The following KIF13A variants were observed in gnomAD, a reference collection of about 807,000 sequenced individuals.
KIF13A encodes kinesin family member 13A.
Under a neutral mutation model 212.2 loss-of-function variants are expected in KIF13A, and 79 were observed. That is an observed-to-expected ratio of 0.37 (90% CI 0.31 to 0.45). KIF13A has a LOEUF of 0.45. KIF13A is among the 20% of genes least tolerant of loss of function. The pLI is 1.00. For missense variants in KIF13A, 1,901 were observed against 2,209.0 expected (o/e 0.86, Z 2.79); for synonymous variants, 789 against 808.6 (o/e 0.98, Z 0.41).
At chr6:17,815,700 G>T (rs535384927) in intron 17 of KIF13A, 5 of 360,144 alleles carry the variant, frequency 1.4e-5, no homozygotes, top group Admixed American at 1.1e-4. Context: ...AATGATTAAT[G>T]ATATTCATAT....
rs1402087494 is a variant in KIF13A, at chr6:17,899,489, G to T, written c.147-1309C>A. Reference sequence around the variant, plus strand: ...CGACACTCCTTACAGAGCTCTGAGGGACTCGAACAAAACTGAGAGCTCAGT... The same window carrying T: ...CGACACTCCTTACAGAGCTCTGAGGTACTCGAACAAAACTGAGAGCTCAGT... On this transcript the variant is annotated intron_variant, in intron 2 of 38. Transcript: ENST00000259711. The surrounding 1 kb of genome is among the most constrained non-coding windows in gnomAD (Gnocchi z 5.2). Among the ~76,000 whole-genome samples, 2 of 152,114 alleles carry T rather than the reference G, an allele frequency of 1.3e-5. No individual in the cohort carries two copies. The highest frequency in any genetic ancestry group is 4.8e-5 in the African/African-American group (2 of 41,410).
At chr6:17,857,716 C>A (rs139426589) in intron 4 of KIF13A, among the ~76,000 whole-genome samples, 1 of 152,082 alleles carries the variant, frequency 6.6e-6, no homozygotes, top group African/African-American at 2.4e-5. Flanking sequence ...GGAGAATAAA[C>A]GCATACAGAC....
At chr6:17,965,161 C>A (rs1779190555) in intron 2 of KIF13A, among the ~76,000 whole-genome samples, 1 of 152,096 alleles carries the variant, frequency 6.6e-6, no homozygotes, top group Admixed American at 6.6e-5. Context: ...ACACATGTGT[C>A]CCAAATGAAA....
rs1761855585 is a variant in KIF13A at position 17,794,398 on chromosome 6, G to A, written c.3076-3C>T. On this transcript the variant is annotated splice_polypyrimidine_tract_variant and splice_region_variant and intron_variant, in intron 24 of 38. Transcript: ENST00000259711. The surrounding 1 kb of genome is among the most constrained non-coding windows in gnomAD (Gnocchi z 4.1). ...ACTTGTACTCTACGGGAATGACCCTGAAGAGGGTGGGGAGGAGTATGGGTG... is the reference window on the plus strand; with the variant it reads ...ACTTGTACTCTACGGGAATGACCCTAAAGAGGGTGGGGAGGAGTATGGGTG... 6.2e-7 allele frequency: 1 copy of A among 1,610,612 alleles called. No homozygotes were observed. Among genetic ancestry groups the A allele is most frequent in the South Asian group, 1.1e-5 (1 of 90,970 alleles).
chr6:17,908,096 T>G (rs1384754753), intron 2 of KIF13A, among the ~76,000 whole-genome samples: 1 of 151,940 alleles, frequency 6.6e-6, no homozygotes, highest in East Asian at 1.9e-4. Flanking sequence ...AAAGACAACT[T>G]GAAGGAAAAA....
rs1482345909 is a variant in KIF13A, at chr6:17,781,196, A to C, written c.3650T>G (p.Ile1217Arg). ...HGSQFFYLPIIKHSDDEVSAT... is the reference protein window; with the variant it reads ...HGSQFFYLPIRKHSDDEVSAT... ...AATTACCTCATCATCACTGTGCTTT[A>C]TGATGGGCAGGTAGAAAAACTGGCT... The change falls in exon 30 of 39, where the codon ATA (isoleucine) becomes AGA (arginine). Residue 1217 changes from isoleucine to arginine, a missense_variant. This residue lies in a region of KIF13A where 687 missense variants were observed against 759.1 expected (regional missense o/e 0.90). Coordinates refer to ENST00000259711, the MANE Select transcript of KIF13A (RefSeq NM_022113.6). 1.2e-6 allele frequency: 2 copies of C among 1,613,954 alleles called. No homozygotes were observed. Among genetic ancestry groups the C allele is most frequent in the Admixed American group, 1.7e-5 (1 of 60,014 alleles).
rs190029260 is a variant in KIF13A at position 17,838,419 on chromosome 6, A to G, written c.831-836T>C. On this transcript the variant is annotated intron_variant, in intron 9 of 38. Coordinates refer to ENST00000259711, the MANE Select transcript of KIF13A (RefSeq NM_022113.6). This position sits in a 1 kb window ranked among gnomAD's most constrained non-coding sequence, Gnocchi z 4.2. ...GCTTTCTTTGTAATGTTAACAATAG[A>G]TTTCCATCAAATAAGCTGAAAGGAA... 1.1e-4 allele frequency among the ~76,000 whole-genome samples: 17 copies of G among 152,324 alleles called. No homozygotes were observed. In the East Asian group the frequency reaches 3.1e-3, roughly 28 times the overall value.
rs1362187343 is a variant in KIF13A at position 17,934,819 on chromosome 6, C to A, written c.147-36639G>T. ...AAAAAAAAGACACTTAAAAATAATA[C>A]TCTTGTGCTGTTTGTCATAAATATG... On this transcript the variant is annotated intron_variant, in intron 2 of 38. Coordinates refer to ENST00000259711, the MANE Select transcript of KIF13A (RefSeq NM_022113.6). The surrounding 1 kb of genome is among the most constrained non-coding windows in gnomAD (Gnocchi z 5.4). Among the ~76,000 whole-genome samples, 6 of 151,358 alleles carry A rather than the reference C, an allele frequency of 4.0e-5. No homozygotes were observed. The highest frequency in any genetic ancestry group is 5.9e-5 in the Non-Finnish European group (4 of 67,904).
At position 17,918,040 on chromosome 6, in the gene KIF13A, T is replaced by C. The variant is rs562756580; in HGVS notation, c.147-19860A>G. On this transcript the variant is annotated intron_variant, in intron 2 of 38. Coordinates refer to ENST00000259711, the MANE Select transcript of KIF13A (RefSeq NM_022113.6). This position sits in a 1 kb window ranked among gnomAD's most constrained non-coding sequence, Gnocchi z 4.8. The stretch of plus-strand genomic sequence containing the variant: ...GAATTCTGTTTCCTCGTGGCACCTG[T>C]TGCACTTTCTCGGAGTCATGGTTTG... Among the ~76,000 whole-genome samples, 1 of 152,160 alleles carries C rather than the reference T, an allele frequency of 6.6e-6. No homozygotes were observed. Among genetic ancestry groups the C allele is most frequent in the African/African-American group, 2.4e-5 (1 of 41,542 alleles).
intron 3 of KIF13A, among the ~76,000 whole-genome samples, chr6:17,880,257 G>C (rs532052059): frequency 1.1e-3 from 165 of 152,138 alleles, no homozygotes; most frequent in Non-Finnish European, 2.0e-3. Context: ...TGGCTGGCCA[G>C]AAACCGATGA....
chr6:17,801,345 TA>T (rs1259122163), intron 20 of KIF13A, among the ~76,000 whole-genome samples: 1 of 148,624 alleles, frequency 6.7e-6, no homozygotes, highest in South Asian at 2.1e-4. Flanking sequence ...TACAAATAAT[TA>T]AAAAAAAAAT....
At chr6:17,823,656 C>T (rs1309943815) in intron 16 of KIF13A, among the ~76,000 whole-genome samples, 2 of 151,170 alleles carry the variant, frequency 1.3e-5, no homozygotes, top group Non-Finnish European at 3.0e-5. Context: ...TTAGTAGAGA[C>T]AGGGTTTCAC....
chr6:17,964,272 T>C (rs78687476), intron 2 of KIF13A, among the ~76,000 whole-genome samples: 1,716 of 152,286 alleles, frequency 0.011, 36 homozygotes, highest in African/African-American at 0.039. Context: ...GCCCTAATTC[T>C]TATAAAACAA....
intron 6 of KIF13A, among the ~76,000 whole-genome samples, chr6:17,853,321 AG>A (rs1767840872): frequency 6.6e-6 from 1 of 152,226 alleles, no homozygotes; most frequent in Admixed American, 6.6e-5. Context: ...TTCAGCAGCA[AG>A]AAAAAGCAAA....
chr6:17,888,683 G>A lies in KIF13A; in HGVS notation c.159+9485C>T, dbSNP rs770597131. ...TACCAAAAAATACAAAAATTAGCTG[G>A]GCGTGGTGGCACAGGCCTGTAGTCC... On this transcript the variant is annotated intron_variant, in intron 3 of 38. Coordinates refer to ENST00000259711, the MANE Select transcript of KIF13A (RefSeq NM_022113.6). This position sits in a 1 kb window ranked among gnomAD's most constrained non-coding sequence, Gnocchi z 4.8. Among the ~76,000 whole-genome samples, 44 of 152,036 alleles carry A rather than the reference G, an allele frequency of 2.9e-4. No homozygotes were observed. Among genetic ancestry groups the A allele is most frequent in the Non-Finnish European group, 5.1e-4 (35 of 68,006 alleles).
At chr6:17,781,027 CTCACCTT>C in intron 30 of KIF13A, 121 bp from the exon 31 acceptor site, 1 of 1,363,654 alleles carries the variant, frequency 7.3e-7, no homozygotes, top group East Asian at 2.3e-5. Flanking sequence ...GATTTCTTTC[CTCACCTT>C]TTTTAAACAG....
At chr6:17,795,442 A>AG (rs1761946839) in intron 23 of KIF13A, among the ~76,000 whole-genome samples, 1 of 151,944 alleles carries the variant, frequency 6.6e-6, no homozygotes, top group African/African-American at 2.4e-5. Flanking sequence ...AAAAAAAAAA[A>AG]AAATTATCCG....
Position 17,764,123 on chromosome 6 carries a change from A to G in KIF13A, c.5405T>C (p.Leu1802Pro), listed in dbSNP as rs370967470. Reference protein sequence around the residue: ...VIIPEAAFWVLCCQ With the variant: ...VIIPEAAFWVPCCQ The stretch of plus-strand genomic sequence containing the variant: ...AGTTAGACATACTCATTGACAGCAC[A>G]GAACCCAAAAGGCTGCCTCTGGAAT... The change falls in exon 39 of 39, where the codon CTG (leucine) becomes CCG (proline). Residue 1802 changes from leucine to proline, a missense_variant. By Grantham distance (98) the Leu-to-Pro change is moderately conservative. Coordinates refer to ENST00000259711, the MANE Select transcript of KIF13A (RefSeq NM_022113.6). The surrounding 1 kb of genome is among the most constrained non-coding windows in gnomAD (Gnocchi z 5.1). 10 of 1,613,916 alleles carry G rather than the reference A, an allele frequency of 6.2e-6. No individual in the cohort carries two copies. Among genetic ancestry groups the G allele is most frequent in the Non-Finnish European group, 8.5e-6 (10 of 1,179,832 alleles).
chr6:17,888,081 T>C lies in KIF13A; in HGVS notation c.159+10087A>G, dbSNP rs576977046. 1.9e-4 allele frequency among the ~76,000 whole-genome samples: 29 copies of C among 152,256 alleles called. No homozygotes were observed. In the South Asian group the frequency reaches 5.6e-3, roughly 29 times the overall value. The stretch of plus-strand genomic sequence containing the variant: ...TACTTGCAGGCCTCCTGAAGTTCCA[T>C]GTTTAGCTATGAAGCCTTCTTCCTC... On this transcript the variant is annotated intron_variant, in intron 3 of 38. Transcript: ENST00000259711. The surrounding 1 kb of genome is among the most constrained non-coding windows in gnomAD (Gnocchi z 4.8).
Sources: allele counts gnomAD v4.1 joint callset (sites outside exome capture counted in the v4.1 genomes callset), GRCh38; gene constraint gnomAD v4.1.1; regional missense constraint gnomAD v4.1.1; non-coding constraint Gnocchi (gnomAD v3.1); transcripts MANE v1.5; gene names NCBI Gene and HGNC (gene_info 2026-07-23, HGNC 2026-07-21).